The following CTNNA3 variants were observed in gnomAD, a reference collection of about 807,000 sequenced individuals.
CTNNA3 encodes the protein catenin alpha 3.
A neutral mutation model predicts 95.7 loss-of-function variants in CTNNA3; 76 were observed. That is an observed-to-expected ratio of 0.79 (90% CI 0.66 to 0.96). The LOEUF is 0.96. Among genes scored for constraint, CTNNA3 ranks in the 40% least tolerant of loss-of-function variants. The pLI is 0.00. For missense variants in CTNNA3, 1,191 were observed against 1,089.8 expected (o/e 1.09, Z -1.31); for synonymous variants, 431 against 374.4 (o/e 1.15, Z -1.74).
chr10:66,708,967 GC>G (rs1346184301), intron 9 of CTNNA3, among the ~76,000 whole-genome samples: 3 of 151,960 alleles, frequency 2.0e-5, no homozygotes, highest in Non-Finnish European at 4.4e-5. Flanking sequence ...ACTCCAGTGA[GC>G]TTTTATTCTA....
At chr10:67,280,993 CA>C (rs948033832) in intron 5 of CTNNA3, among the ~76,000 whole-genome samples, 1 of 152,060 alleles carries the variant, frequency 6.6e-6, no homozygotes. Flanking sequence ...ATCAAAACAT[CA>C]GAGGGAAAGT....
intron 7 of CTNNA3, among the ~76,000 whole-genome samples, chr10:66,806,527 C>T (rs7067838): frequency 0.57 from 86,431 of 151,670 alleles, 24,803 homozygotes; most frequent in East Asian, 0.72. Context: ...TTTTGGCTTA[C>T]TTACCAAAGT....
intron 12 of CTNNA3, among the ~76,000 whole-genome samples, chr10:66,352,865 C>T (rs941562108): frequency 6.6e-6 from 1 of 151,964 alleles, no homozygotes; most frequent in Non-Finnish European, 1.5e-5. Flanking sequence ...CAAACAAAAG[C>T]ACTCATTAGT....
At chr10:66,465,534 C>G (rs559107241) in intron 11 of CTNNA3, among the ~76,000 whole-genome samples, 2 of 152,256 alleles carry the variant, frequency 1.3e-5, no homozygotes, top group South Asian at 4.1e-4. Flanking sequence ...TTCAATCTTA[C>G]TGTACATGAG....
chr10:65,929,536 A>T lies in CTNNA3; in HGVS notation c.2401-8919T>A, dbSNP rs150694138. On this transcript the variant is annotated intron_variant, in intron 17 of 17. Transcript: ENST00000433211. ...CTTAGATTTGTGTATACACATACCC[A>T]TGCACATAAATGAAGCTATAGCTTT... 1.3e-4 allele frequency among the ~76,000 whole-genome samples: 19 copies of T among 151,796 alleles called. 1 individual carries two copies. The East Asian group carries it at 3.7e-3, about 29-fold the overall frequency.
chr10:66,946,302 C>A (rs1234890296), intron 7 of CTNNA3, among the ~76,000 whole-genome samples: 1 of 152,080 alleles, frequency 6.6e-6, no homozygotes, highest in Non-Finnish European at 1.5e-5. Context: ...GACCTGCATG[C>A]TGGAAAGTTG....
At chr10:67,151,710 G>C (rs1165304340) in intron 7 of CTNNA3, among the ~76,000 whole-genome samples, 1 of 152,148 alleles carries the variant, frequency 6.6e-6, no homozygotes, top group African/African-American at 2.4e-5. Flanking sequence ...TTCAGTTTAC[G>C]GAGTATCACA....
rs1564699286 is a variant in CTNNA3 at position 67,504,447 on chromosome 10, A to AAAC, written c.579+17394_579+17395insGTT. Reference sequence around the variant, plus strand: ...TGAGACTCCATCTCAAAAAAAAAAAAAAAAAAAAAAAAACAGAGTAACATT... The same window carrying AAAC: ...TGAGACTCCATCTCAAAAAAAAAAAAAACAAAAAAAAAAAAACAGAGTAACATT... On this transcript the variant is annotated intron_variant, in intron 5 of 17. Transcript: ENST00000433211. Among the ~76,000 whole-genome samples the AAAC allele has an allele frequency of 6.7e-5, 10 of 150,016 alleles. No individual in the cohort carries two copies. The South Asian group carries it at 2.1e-3, about 32-fold the overall frequency.
intron 9 of CTNNA3, among the ~76,000 whole-genome samples, chr10:66,687,269 A>G (rs1847331300): frequency 6.6e-6 from 1 of 152,134 alleles, no homozygotes; most frequent in Non-Finnish European, 1.5e-5. Flanking sequence ...CAAAGTGGAA[A>G]CACTCAAGAT....
At chr10:67,741,943 C>A (rs1220297032) in intron 1 of CTNNA3, among the ~76,000 whole-genome samples, 1 of 151,322 alleles carries the variant, frequency 6.6e-6, no homozygotes, top group East Asian at 1.9e-4. Flanking sequence ...ATCAATTCAA[C>A]AAGAAGAACT....
At chr10:66,573,901 A>T (rs1290710980) in intron 10 of CTNNA3, among the ~76,000 whole-genome samples, 3 of 152,140 alleles carry the variant, frequency 2.0e-5, no homozygotes, top group Non-Finnish European at 4.4e-5. Flanking sequence ...TCATCCTTTG[A>T]AAAGCTGTAC....
chr10:66,757,765 T>G (rs1401823666), intron 9 of CTNNA3, among the ~76,000 whole-genome samples: 1 of 152,190 alleles, frequency 6.6e-6, no homozygotes, highest in East Asian at 1.9e-4. Context: ...ACTTTCTACT[T>G]TTAAATTTAT....
rs1207342609 is a variant in CTNNA3, at chr10:67,607,064, A to G, written c.100-15T>C. 1.3e-6 allele frequency: 2 copies of G among 1,591,456 alleles called. No homozygotes were observed. Among genetic ancestry groups the G allele is most frequent in the African/African-American group, 2.7e-5 (2 of 74,180 alleles). On this transcript the variant is annotated splice_polypyrimidine_tract_variant and intron_variant, in intron 2 of 17. Coordinates refer to ENST00000433211, the MANE Select transcript of CTNNA3 (RefSeq NM_013266.4). ...AGTGTGGTAACCTAAAATTGGAAAA[A>G]TACAAAGTACTAAATTGACAAATTG...
intron 12 of CTNNA3, among the ~76,000 whole-genome samples, chr10:66,373,490 G>A (rs1478808983): frequency 6.6e-6 from 1 of 151,952 alleles, no homozygotes; most frequent in Admixed American, 6.6e-5. Flanking sequence ...GAGAGGCTGA[G>A]TTGTAATTTA....
chr10:66,357,781 G>T (rs1007665530), intron 12 of CTNNA3, among the ~76,000 whole-genome samples: 2 of 152,108 alleles, frequency 1.3e-5, no homozygotes, highest in African/African-American at 4.8e-5. Flanking sequence ...TTGTGTGGGT[G>T]TATGTTTTTA....
chr10:66,823,365 C>T (rs1162281179), intron 7 of CTNNA3, among the ~76,000 whole-genome samples: 1 of 152,062 alleles, frequency 6.6e-6, no homozygotes, highest in African/African-American at 2.4e-5. Flanking sequence ...AATTTCCTAA[C>T]TCAAACAGAT....
intron 5 of CTNNA3, among the ~76,000 whole-genome samples, chr10:67,410,614 T>G (rs1845326985): frequency 6.7e-6 from 1 of 149,072 alleles, no homozygotes; most frequent in African/African-American, 2.5e-5. Flanking sequence ...GCCTTATGGA[T>G]GATGCTTCCC....
intron 11 of CTNNA3, among the ~76,000 whole-genome samples, chr10:66,513,054 T>C (rs1312728792): frequency 6.6e-6 from 1 of 152,104 alleles, no homozygotes; most frequent in Non-Finnish European, 1.5e-5. Context: ...CTCCCAAGAG[T>C]TGGAAACTTT....
intron 4 of CTNNA3, among the ~76,000 whole-genome samples, chr10:67,522,480 A>G (rs1840017282): frequency 6.6e-6 from 1 of 152,140 alleles, no homozygotes; most frequent in Non-Finnish European, 1.5e-5. Context: ...AGCAAGAAAG[A>G]TCTCTCAGAG....
Sources: gnomAD v4.1 joint callset for allele counts (sites outside exome capture counted in the v4.1 genomes callset) on GRCh38, gnomAD v4.1.1 for gene constraint, MANE v1.5 for transcripts, NCBI Gene and HGNC (gene_info 2026-07-23, HGNC 2026-07-21) for gene names.